The following DOCK1 variants were observed in gnomAD, a reference collection of about 807,000 sequenced individuals.
DOCK1 encodes dedicator of cytokinesis protein 1.
In DOCK1, 138 loss-of-function variants were observed where a neutral mutation model predicts 262.7. The observed-to-expected ratio is 0.53, with a 90% CI of 0.46 to 0.61. The LOEUF (loss-of-function observed/expected upper bound fraction) is 0.61. Ranked by LOEUF, DOCK1 falls within the 20% of genes least tolerant of loss-of-function variation. The pLI is 0.00. For missense variants in DOCK1, 1,908 were observed against 2,370.7 expected, an observed-to-expected ratio of 0.80 and a Z score of 4.05; for synonymous variants, 866 against 867.4, an observed-to-expected ratio of 1.00 and a Z score of 0.03.
chr10:127,251,061 C>T (rs2059620457), intron 28 of DOCK1, among the ~76,000 whole-genome samples: 1 of 151,882 alleles, frequency 6.6e-6, no homozygotes, highest in Non-Finnish European at 1.5e-5. Context: ...CTCCAGGGTT[C>T]AAGCGATTCT....
At chr10:127,060,999 C>G (rs1017781018) in intron 22 of DOCK1, among the ~76,000 whole-genome samples, 4 of 152,174 alleles carry the variant, frequency 2.6e-5, no homozygotes, top group African/African-American at 9.7e-5. Context: ...GAGGCCGAGG[C>G]AAGTGGATCA....
chr10:127,339,733 G>GTGCA (rs1554951487), intron 30 of DOCK1, among the ~76,000 whole-genome samples: 2,147 of 108,792 alleles, frequency 0.02, 116 homozygotes, highest in African/African-American at 0.037. Context: ...GTGTGTGTGT[G>GTGCA]TGCATGCTGT....
At chr10:127,402,937 TA>T (rs1454938535) in intron 38 of DOCK1, 117 bp from the exon 39 acceptor site, 2 of 971,368 alleles carry the variant, frequency 2.1e-6, no homozygotes, top group African/African-American at 3.3e-5. Flanking sequence ...GTTATTCCCA[TA>T]ATGTTTCATT....
intron 38 of DOCK1, among the ~76,000 whole-genome samples, chr10:127,388,476 T>C (rs2066265873): frequency 6.6e-6 from 1 of 152,116 alleles, no homozygotes; most frequent in Admixed American, 6.5e-5. Flanking sequence ...AGGCAAAAAA[T>C]TCATTTTAAC....
intron 23 of DOCK1, among the ~76,000 whole-genome samples, chr10:127,064,627 C>T (rs1290381463): frequency 1.3e-5 from 2 of 152,218 alleles, no homozygotes; most frequent in African/African-American, 4.8e-5. Flanking sequence ...CGGCCGTCTC[C>T]CGTCACCCCC....
intron 27 of DOCK1, among the ~76,000 whole-genome samples, chr10:127,131,621 C>T (rs955371185): frequency 4.6e-5 from 7 of 152,126 alleles, no homozygotes; most frequent in Admixed American, 3.9e-4. Context: ...GGATGCCTGC[C>T]CTTGCTCTTC....
chr10:126,946,922 C>G (rs919629115), intron 1 of DOCK1, among the ~76,000 whole-genome samples: 1 of 152,210 alleles, frequency 6.6e-6, no homozygotes, highest in Admixed American at 6.5e-5. Context: ...TCACAGCGGA[C>G]AGGCTCACTT....
intron 23 of DOCK1, among the ~76,000 whole-genome samples, chr10:127,099,280 C>T (rs1013369708): frequency 3.3e-5 from 5 of 152,156 alleles, no homozygotes; most frequent in African/African-American, 1.2e-4. Context: ...CAGAAGGAGA[C>T]AAAGCAGACT....
At chr10:127,291,530 G>T (rs558204868) in intron 29 of DOCK1, among the ~76,000 whole-genome samples, 3 of 152,224 alleles carry the variant, frequency 2.0e-5, no homozygotes, top group Non-Finnish European at 4.4e-5. Flanking sequence ...CATGTGTTGG[G>T]AGCGCCAGCT....
intron 29 of DOCK1, among the ~76,000 whole-genome samples, chr10:127,283,457 T>A (rs986390472): frequency 6.6e-6 from 1 of 152,224 alleles, no homozygotes; most frequent in Non-Finnish European, 1.5e-5. Context: ...CTGAATAGTT[T>A]CCTTCCGATG....
intron 1 of DOCK1, among the ~76,000 whole-genome samples, chr10:126,924,490 T>A (rs1228397987): frequency 1.3e-5 from 2 of 151,900 alleles, no homozygotes; most frequent in Non-Finnish European, 2.9e-5. Flanking sequence ...GGGGAGGCTG[T>A]GAGTGCTGGA....
At chr10:127,237,050 A>C (rs1174634683) in intron 27 of DOCK1, among the ~76,000 whole-genome samples, 1 of 152,100 alleles carries the variant, frequency 6.6e-6, no homozygotes, top group African/African-American at 2.4e-5. Context: ...TATCTATATA[A>C]CTTTTGCCTT....
At chr10:127,409,216 G>T in intron 41 of DOCK1, 38 bp downstream of exon 41, 1 of 1,612,230 alleles carries the variant, frequency 6.2e-7, no homozygotes, top group Non-Finnish European at 8.5e-7. Context: ...CTGAAACCAT[G>T]GTGATGCCAT....
At chr10:127,110,678 A>G (rs1228237892) in intron 25 of DOCK1, among the ~76,000 whole-genome samples, 2 of 152,212 alleles carry the variant, frequency 1.3e-5, no homozygotes, top group East Asian at 1.9e-4. Flanking sequence ...CTCCATTGTG[A>G]TGATTGCAAG....
At chr10:127,201,850 G>C (rs192075543) in intron 27 of DOCK1, among the ~76,000 whole-genome samples, 1 of 152,108 alleles carries the variant, frequency 6.6e-6, no homozygotes, top group African/African-American at 2.4e-5. Context: ...GTTTCTATAG[G>C]GTTTCTTACT....
At chr10:127,199,668 G>C (rs1349796402) in intron 27 of DOCK1, among the ~76,000 whole-genome samples, 1 of 152,188 alleles carries the variant, frequency 6.6e-6, no homozygotes, top group Non-Finnish European at 1.5e-5. Flanking sequence ...ATATCAGAAT[G>C]GGGATTACCT....
intron 6 of DOCK1, among the ~76,000 whole-genome samples, chr10:126,992,777 C>CACACACACACAG (rs1213266678): frequency 2.2e-5 from 3 of 135,430 alleles, no homozygotes; most frequent in Non-Finnish European, 5.0e-5. Flanking sequence ...CAGACACAGA[C>CACACACACACAG]ACACACACAC....
chr10:127,215,234 GGCT>G (rs2058153619), intron 27 of DOCK1, among the ~76,000 whole-genome samples: 1 of 152,150 alleles, frequency 6.6e-6, no homozygotes. Context: ...ATCCATGAGT[GGCT>G]GTTTGTAAAT....
intron 28 of DOCK1, among the ~76,000 whole-genome samples, chr10:127,256,802 T>G (rs1273366167): frequency 6.6e-6 from 1 of 152,150 alleles, no homozygotes; most frequent in Non-Finnish European, 1.5e-5. Flanking sequence ...CTAGGAGAGT[T>G]TGGCAACACG....
Sources: allele counts gnomAD v4.1 joint callset (sites outside exome capture counted in the v4.1 genomes callset), GRCh38; gene constraint gnomAD v4.1.1; transcripts MANE v1.5; gene names NCBI Gene and HGNC (gene_info 2026-07-23, HGNC 2026-07-21).